The following TOPBP1 variants were observed in gnomAD, a reference collection of about 807,000 sequenced individuals.
The protein encoded by TOPBP1 is DNA topoisomerase II binding protein 1, also known as DNA topoisomerase 2-binding protein 1.
TOPBP1 carries 28 observed loss-of-function variants against 167.7 expected under a neutral mutation model. The observed-to-expected ratio is 0.17, with a 90% CI of 0.12 to 0.23. The LOEUF (loss-of-function observed/expected upper bound fraction) is 0.23, where lower values mean the gene tolerates loss of function less well. Among genes scored for constraint, TOPBP1 ranks in the 10% least tolerant of loss-of-function variants. The pLI, the probability that TOPBP1 is intolerant of heterozygous loss-of-function variation, is 1.00. For synonymous variants in TOPBP1, 598 were observed against 611.4 expected (o/e 0.98, Z 0.32); for missense variants, 1,554 against 1,809.6 (o/e 0.86, Z 2.56).
At chr3:133,611,209 C>A in intron 24 of TOPBP1, 68 bp from the exon 25 acceptor site, 1 of 1,428,138 alleles carries the variant, frequency 7.0e-7, no homozygotes, top group Non-Finnish European at 9.4e-7. Flanking sequence ...ATACAGGGCT[C>A]CTCAAGGAGC....
intron 10 of TOPBP1, among the ~76,000 whole-genome samples, chr3:133,648,460 T>C (rs1936158041): frequency 6.6e-6 from 1 of 152,060 alleles, no homozygotes; most frequent in Admixed American, 6.6e-5. Flanking sequence ...ATAAGCTGAG[T>C]ATGTTGATGA....
At chr3:133,606,495 CTTT>C (rs750468980) in intron 27 of TOPBP1, among the ~76,000 whole-genome samples, 25 of 125,448 alleles carry the variant, frequency 2.0e-4, no homozygotes, top group Non-Finnish European at 3.2e-4. Context: ...CACTCTAGGC[CTTT>C]TTTTTTTTTT....
intron 13 of TOPBP1, among the ~76,000 whole-genome samples, chr3:133,638,923 T>C (rs1935771332): frequency 6.6e-6 from 1 of 152,024 alleles, no homozygotes; most frequent in Non-Finnish European, 1.5e-5. Flanking sequence ...AGACACAAAA[T>C]AAACAACCAT....
intron 10 of TOPBP1, among the ~76,000 whole-genome samples, chr3:133,647,722 T>C (rs891400629): frequency 2.0e-5 from 3 of 152,030 alleles, no homozygotes; most frequent in African/African-American, 7.3e-5. Context: ...CTAAAACTTC[T>C]AGGAATTGAA....
At chr3:133,625,522 C>T (rs1016872362) in intron 16 of TOPBP1, among the ~76,000 whole-genome samples, 17 of 152,096 alleles carry the variant, frequency 1.1e-4, no homozygotes, top group African/African-American at 3.4e-4. Context: ...CACCTGAGGT[C>T]GGGAGTTTCA....
At chr3:133,623,501 T>G in intron 17 of TOPBP1, 44 bp from the exon 18 acceptor site, 1 of 1,554,618 alleles carries the variant, frequency 6.4e-7, no homozygotes, top group South Asian at 1.2e-5. Flanking sequence ...GACAAAATCT[T>G]AATGAATAGA....
At chr3:133,616,385 GTGC>G (rs1446027925) in intron 23 of TOPBP1, among the ~76,000 whole-genome samples, 2 of 152,042 alleles carry the variant, frequency 1.3e-5, no homozygotes, top group African/African-American at 4.8e-5. Context: ...GCCTCCCAAA[GTGC>G]TGAGATTACA....
intron 6 of TOPBP1, among the ~76,000 whole-genome samples, chr3:133,654,094 T>G (rs1181566039): frequency 6.6e-6 from 1 of 152,242 alleles, no homozygotes; most frequent in East Asian, 1.9e-4. Flanking sequence ...AGGTTTTATC[T>G]TTTATACAAA....
chr3:133,634,481 C>T (rs1297594425), intron 14 of TOPBP1, among the ~76,000 whole-genome samples: 1 of 151,980 alleles, frequency 6.6e-6, no homozygotes, highest in African/African-American at 2.4e-5. Context: ...TGCACTCTAG[C>T]CTGGGTCCTG....
At position 133,649,809 on chromosome 3, in the gene TOPBP1, C is replaced by T; in HGVS notation, c.1224G>A (p.Leu408=). 6.2e-7 allele frequency: 1 copy of T among 1,604,522 alleles called. No individual in the cohort carries two copies. The highest frequency in any genetic ancestry group is 2.2e-5 in the East Asian group (1 of 44,832). ...GGGCTGATTTATTCCAAAACTGCTT[C>T]AATTCATCATCATAATCTCCCACAA... ...HVIVGDYDDE[L]KQFWNKSAHR... Residue 408 remains leucine (L), a synonymous_variant, in exon 9 of 28, where the codon TTG becomes TTA. Transcript: ENST00000260810.
chr3:133,660,976 C>CCAA, intron 2 of TOPBP1, 68 bp downstream of exon 2: 1 of 1,162,966 alleles, frequency 8.6e-7, no homozygotes, highest in South Asian at 1.6e-5. Flanking sequence ...GACATAAAGC[C>CCAA]CAACAAATCA....
In TOPBP1 at chr3:133,624,034, G is replaced by C; in HGVS notation, c.2928+18C>G. On this transcript the variant is annotated intron_variant, in intron 17 of 27. Coordinates refer to ENST00000260810, the MANE Select transcript of TOPBP1 (RefSeq NM_007027.4). ...ATTTTCAATTAACAGAGATGGGGGG[G>C]AAAAAAGCACTGCTTACATCTAAAA... 2 of 1,604,060 alleles carry C rather than the reference G, an allele frequency of 1.2e-6. No homozygotes were observed. Among genetic ancestry groups the C allele is most frequent in the Non-Finnish European group, 1.7e-6 (2 of 1,176,010 alleles).
intron 10 of TOPBP1, 109 bp downstream of exon 10, chr3:133,649,274 A>AG (rs1936195804): frequency 7.3e-7 from 1 of 1,376,374 alleles, no homozygotes; most frequent in South Asian, 1.5e-5. Flanking sequence ...GGAAAGAAAA[A>AG]GGTTAATTTA....
chr3:133,632,282 G>A (rs1196129055), intron 14 of TOPBP1, among the ~76,000 whole-genome samples: 2 of 151,944 alleles, frequency 1.3e-5, no homozygotes, highest in Admixed American at 6.6e-5. Context: ...GTAGGCGCCT[G>A]TAATCCCAGT....
intron 25 of TOPBP1, among the ~76,000 whole-genome samples, chr3:133,610,698 G>A (rs1355239359): frequency 3.3e-5 from 5 of 151,342 alleles, no homozygotes; most frequent in South Asian, 2.1e-4. Flanking sequence ...TAAAAATAAG[G>A]ATGTATTTTT....
At chr3:133,655,704 C>T (rs889786401) in intron 5 of TOPBP1, among the ~76,000 whole-genome samples, 6 of 152,068 alleles carry the variant, frequency 3.9e-5, no homozygotes, top group African/African-American at 1.2e-4. Flanking sequence ...CTCTCAAAAC[C>T]ATTTTAAGGG....
chr3:133,638,439 AT>A (rs895302865), intron 13 of TOPBP1, among the ~76,000 whole-genome samples: 3 of 152,198 alleles, frequency 2.0e-5, no homozygotes, highest in African/African-American at 7.2e-5. Context: ...AACTGAAAAA[AT>A]AATAATAGAT....
At chr3:133,661,201 T>G (rs2107843726) in intron 1 of TOPBP1, 67 bp from the exon 2 acceptor site, 1 of 1,228,698 alleles carries the variant, frequency 8.1e-7, no homozygotes, top group East Asian at 2.7e-5. Flanking sequence ...ATGTTTAACC[T>G]ACCTATTTTT....
chr3:133,608,563 G>A lies in TOPBP1; in HGVS notation c.4397C>T (p.Thr1466Ile), dbSNP rs1934569931. Residue 1466 changes from threonine (T) to isoleucine (I), a missense_variant, in exon 27 of 28, where the codon ACA becomes ATA. Thr to Ile is a moderately conservative substitution (Grantham distance 89). Transcript: ENST00000260810. Reference sequence around the variant, plus strand: ...CATGAGATAATCAGCAATGTATTCTGTTCTCAAGCAGTACACGTTCTGGGC... The same window carrying A: ...CATGAGATAATCAGCAATGTATTCTATTCTCAAGCAGTACACGTTCTGGGC... ...AAAQNVYCLR[T>I]EYIADYLMQE... The A allele has an allele frequency of 6.2e-7, 1 of 1,613,732 alleles. No homozygotes were observed. Among genetic ancestry groups the A allele is most frequent in the Non-Finnish European group, 8.5e-7 (1 of 1,179,732 alleles).
Sources: gnomAD v4.1 joint callset for allele counts (sites outside exome capture counted in the v4.1 genomes callset) on GRCh38, gnomAD v4.1.1 for gene constraint, MANE v1.5 for transcripts, NCBI Gene and HGNC (gene_info 2026-07-23, HGNC 2026-07-21) for gene names.